SH3KBP1: variants seen among roughly 807,000 people sequenced by gnomAD.
The protein encoded by SH3KBP1 is SH3 domain containing kinase binding protein 1.
In SH3KBP1, 8 loss-of-function variants were observed where a neutral mutation model predicts 50.1. The ratio of observed to expected loss-of-function variants is 0.16; its 90% CI spans 0.09 to 0.29. The LOEUF is 0.29. SH3KBP1 is among the 10% of genes least tolerant of loss of function. SH3KBP1 has a pLI of 1.00. For missense variants in SH3KBP1, 377 were observed against 535.2 expected (o/e 0.70, Z 2.92); for synonymous variants, 227 against 218.6 (o/e 1.04, Z -0.34).
intron 2 of SH3KBP1, among the ~76,000 whole-genome samples, chrX:19,807,572 C>A (rs2067086116): frequency 9.0e-6 from 1 of 111,657 alleles, no homozygotes; most frequent in Non-Finnish European, 1.9e-5. Flanking sequence ...TTTTCCTCTC[C>A]TGTGTTTCTT....
chrX:19,875,310 T>C (rs2069214661), intron 1 of SH3KBP1, among the ~76,000 whole-genome samples: 1 of 111,451 alleles, frequency 9.0e-6, no homozygotes, highest in African/African-American at 3.3e-5. Context: ...GCCCCATTAC[T>C]CTGAAGCACA....
Position 19,592,156 on chromosome X carries a change from G to A in SH3KBP1, c.1058-9C>T. The A allele has an allele frequency of 8.5e-7, 1 of 1,169,760 alleles. No homozygotes were observed. Among genetic ancestry groups the A allele is most frequent in the South Asian group, 1.8e-5 (1 of 55,916 alleles). On this transcript the variant is annotated splice_polypyrimidine_tract_variant and intron_variant, in intron 10 of 17. Transcript: ENST00000397821. ...TTTTCTCTCAGTGGTGCCTAGGAGG[G>A]AAAGGGTAATAGTGATCACAAAATG... is the stretch of plus-strand genomic sequence containing the variant.
At position 19,541,958 on chromosome X, in the gene SH3KBP1, C is replaced by T. The variant is rs2064920499; in HGVS notation, c.1859G>A (p.Arg620Lys). The change falls in exon 16 of 18, where the codon AGG becomes AAG. Residue 620 changes from arginine (R) to lysine (K), a missense_variant. Around this residue, in one of 3 missense-constraint regions of SH3KBP1, gnomAD observed 110 missense variants for 124.1 expected, o/e 0.89. Transcript: ENST00000397821. ...EELRTQVREL[R>K]SIIETMKDQQ... is the part of the protein sequence containing the mutation. ...GTCCTTCATGGTCTCGATGATGCTC[C>T]TCAGCTCGCGGACCTGTGTCCTTAG... 16 of 1,211,174 alleles carry T rather than the reference C, an allele frequency of 1.3e-5. No individual in the cohort carries two copies. The highest frequency in any genetic ancestry group is 1.5e-5 in the Non-Finnish European group (13 of 895,221).
chrX:19,541,770 C>T (rs778501195), intron 16 of SH3KBP1, among the ~76,000 whole-genome samples, 155 bp downstream of exon 16: 154 of 111,773 alleles, frequency 1.4e-3, no homozygotes, highest in Non-Finnish European at 2.6e-3. Context: ...TTAAGACTCT[C>T]GGGGTCTACA....
chrX:19,567,840 G>A (rs893428680), intron 13 of SH3KBP1, among the ~76,000 whole-genome samples: 7 of 109,655 alleles, frequency 6.4e-5, no homozygotes, highest in African/African-American at 2.0e-4. Flanking sequence ...TGTAGAATAC[G>A]AGAGAATGCT....
At chrX:19,596,525 C>CAATG (rs2066910188) in intron 9 of SH3KBP1, among the ~76,000 whole-genome samples, 1 of 111,616 alleles carries the variant, frequency 9.0e-6, no homozygotes, top group South Asian at 3.7e-4. Flanking sequence ...AATAGGACAA[C>CAATG]AATGAAGTTT....
At chrX:19,874,057 A>C (rs1367864879) in intron 1 of SH3KBP1, among the ~76,000 whole-genome samples, 2 of 91,470 alleles carry the variant, frequency 2.2e-5, no homozygotes, top group Non-Finnish European at 4.1e-5. Flanking sequence ...TCAAAAAAAA[A>C]AAAAAAAAAA....
At chrX:19,622,786 T>C (rs1255787195) in intron 8 of SH3KBP1, among the ~76,000 whole-genome samples, 1 of 112,381 alleles carries the variant, frequency 8.9e-6, no homozygotes, top group Admixed American at 9.4e-5. Context: ...CTCACGCCTG[T>C]AATCCCAGCA....
chrX:19,577,557 T>C (rs1190480579), intron 12 of SH3KBP1, among the ~76,000 whole-genome samples: 1 of 111,069 alleles, frequency 9.0e-6, no homozygotes, highest in Non-Finnish European at 1.9e-5. Flanking sequence ...CAGACGGCAA[T>C]GTGGAAGATG....
chrX:19,880,017 C>T (rs185943684), intron 1 of SH3KBP1, among the ~76,000 whole-genome samples: 1 of 112,473 alleles, frequency 8.9e-6, no homozygotes, highest in East Asian at 2.8e-4. Context: ...TAGAATGACT[C>T]TCCACTCCCC....
At chrX:19,783,617 C>T (rs763772651) in intron 2 of SH3KBP1, among the ~76,000 whole-genome samples, 8 of 111,195 alleles carry the variant, frequency 7.2e-5, no homozygotes, top group Non-Finnish European at 1.5e-4. Flanking sequence ...GACTTTTTAG[C>T]TCCCAGATGT....
chrX:19,828,082 T>C (rs2067743566), intron 2 of SH3KBP1, among the ~76,000 whole-genome samples: 2 of 111,037 alleles, frequency 1.8e-5, no homozygotes, highest in African/African-American at 3.3e-5. Context: ...CTAGGATATT[T>C]TACAATCCTA....
chrX:19,797,148 T>C (rs1160352947), intron 2 of SH3KBP1, among the ~76,000 whole-genome samples: 1 of 111,573 alleles, frequency 9.0e-6, no homozygotes, highest in Non-Finnish European at 1.9e-5. Flanking sequence ...CATCAATGAG[T>C]TAACAAAATA....
chrX:19,819,761 C>T (rs193008373), intron 2 of SH3KBP1, among the ~76,000 whole-genome samples: 32 of 110,973 alleles, frequency 2.9e-4, no homozygotes, highest in Non-Finnish European at 4.3e-4. Context: ...TGGTTGTTTT[C>T]GGTTTATTTC....
chrX:19,597,441 A>G (rs768972696), intron 9 of SH3KBP1, among the ~76,000 whole-genome samples: 1 of 111,672 alleles, frequency 9.0e-6, no homozygotes, highest in Admixed American at 9.5e-5. Context: ...TTTGTTTTTG[A>G]GACAGGATCT....
rs7876834 is a variant in SH3KBP1, at chrX:19,613,273, G to A, written c.898-5228C>T. On this transcript the variant is annotated intron_variant, in intron 8 of 17. Coordinates refer to ENST00000397821, the MANE Select transcript of SH3KBP1 (RefSeq NM_031892.3). ...TTAATAAATTACACCAGGACCCCAG[G>A]CATAACTCCAGACGACAGTCACCTT... is the stretch of plus-strand genomic sequence containing the variant. 4.2e-3 allele frequency among the ~76,000 whole-genome samples: 467 copies of A among 112,278 alleles called. 7 individuals are homozygous for A. Among genetic ancestry groups the A allele is most frequent in the African/African-American group, 0.014 (420 of 30,921 alleles).
chrX:19,695,792 G>A (rs2063401995), intron 4 of SH3KBP1, 51 bp from the exon 5 acceptor site: 1 of 1,178,333 alleles, frequency 8.5e-7, no homozygotes, highest in East Asian at 3.0e-5. Context: ...GGTTAGACAT[G>A]GTGGTTTCCA....
At chrX:19,805,658 T>C (rs963569900) in intron 2 of SH3KBP1, among the ~76,000 whole-genome samples, 2 of 110,081 alleles carry the variant, frequency 1.8e-5, no homozygotes, top group African/African-American at 6.6e-5. Flanking sequence ...TTTGTGAACA[T>C]AGCCAAGGCC....
chrX:19,718,499 C>T (rs1391928229), intron 3 of SH3KBP1, among the ~76,000 whole-genome samples: 1 of 111,931 alleles, frequency 8.9e-6, no homozygotes, highest in Non-Finnish European at 1.9e-5. Flanking sequence ...GGTAGAAACT[C>T]ATTTAAATGC....
Sources: allele counts gnomAD v4.1 joint callset (sites outside exome capture counted in the v4.1 genomes callset), GRCh38; gene constraint gnomAD v4.1.1; regional missense constraint gnomAD v4.1.1; transcripts MANE v1.5; gene names NCBI Gene and HGNC (gene_info 2026-07-23, HGNC 2026-07-21).